TRPM4: variants seen among roughly 807,000 people sequenced by gnomAD.
TRPM4 encodes the protein calcium-activated non-selective cation channel 1.
In TRPM4, 124 loss-of-function variants were observed where a neutral mutation model predicts 135.6. The observed-to-expected ratio is 0.91, with a 90% CI of 0.79 to 1.06. The LOEUF (loss-of-function observed/expected upper bound fraction) is 1.06. Among genes scored for constraint, TRPM4 ranks in the 50% least tolerant of loss-of-function variants. The probability of loss-of-function intolerance (pLI) is 0.00; values close to 1 mark genes in which losing one functional copy is unlikely to be tolerated. For missense variants in TRPM4, 1,658 were observed against 1,671.4 expected (o/e 0.99, Z 0.14); for synonymous variants, 745 against 705.6 (o/e 1.06, Z -0.88).
At position 49,211,688 on chromosome 19, in the gene TRPM4, A is replaced by T; in HGVS notation, c.*190A>T. The T allele has an allele frequency of 1.3e-6, 1 of 748,866 alleles. No homozygotes were observed. The highest frequency in any genetic ancestry group is 2.3e-6 in the Non-Finnish European group (1 of 435,612). 46.4% of individuals were successfully genotyped at this position (748,866 alleles called of 1,614,324 possible). A position where few individuals can be genotyped will look rare whatever the true frequency, so the allele number is the denominator to read the frequency against. On this transcript the variant is annotated 3_prime_UTR_variant, in exon 25 of 25. Transcript: ENST00000252826. The surrounding 1 kb of genome is among the most constrained non-coding windows in gnomAD (Gnocchi z 4.8). ...AACCACAGCATGCCCGGCTCCTCCC[A>T]GAACCAGTCCCAGCCTGGGAGGATC...
Position 49,211,391 on chromosome 19 carries a change from G to A in TRPM4, c.3641-103G>A, listed in dbSNP as rs542652652. ...TCTCTTGGTCTCCTTTGAGCCTTTT[G>A]TACTCTCGCCTTCGTCTTTCTTCTT... On this transcript the variant is annotated intron_variant, in intron 24 of 24. Coordinates refer to ENST00000252826, the MANE Select transcript of TRPM4 (RefSeq NM_017636.4). This position sits in a 1 kb window ranked among gnomAD's most constrained non-coding sequence, Gnocchi z 4.8. 1.3e-5 allele frequency: 21 copies of A among 1,598,232 alleles called. 1 individual carries two copies. The South Asian group carries it at 2.2e-4, about 17-fold the overall frequency.
chr19:49,179,343 C>A (rs2122896536), intron 9 of TRPM4, among the ~76,000 whole-genome samples: 1 of 151,994 alleles, frequency 6.6e-6, no homozygotes, highest in Non-Finnish European at 1.5e-5. Context: ...GCATGAGCCA[C>A]AGCATCCAGC....
intron 9 of TRPM4, among the ~76,000 whole-genome samples, chr19:49,180,471 TGTGTG>T (rs1356455547): frequency 2.1e-5 from 3 of 145,830 alleles, no homozygotes; most frequent in African/African-American, 8.0e-5. Context: ...TGTGTGTGTG[TGTGTG>T]TTGCACCCGG....
At chr19:49,175,477 G>A (rs572049912) in intron 9 of TRPM4, among the ~76,000 whole-genome samples, 113 of 152,098 alleles carry the variant, frequency 7.4e-4, no homozygotes, top group African/African-American at 2.5e-3. Flanking sequence ...CCAACGTGCT[G>A]GGATTACAGG....
rs909010 is a variant in TRPM4, at chr19:49,188,565, T to C, written c.1744-76T>C. ...GTTAGTTTCTGACCTCTGACTCTGT[T>C]CCTTCCCTTGACTTCAGGCTTCCTC... On this transcript the variant is annotated intron_variant, in intron 12 of 24. Coordinates refer to ENST00000252826, the MANE Select transcript of TRPM4 (RefSeq NM_017636.4). 0.33 allele frequency: 532,193 copies of C among 1,606,018 alleles called. 90,684 individuals are homozygous for C. Among genetic ancestry groups the C allele is most frequent in the African/African-American group, 0.47 (35,265 of 74,794 alleles).
At position 49,182,731 on chromosome 19, in the gene TRPM4, A is replaced by T; in HGVS notation, c.1417A>T (p.Ile473Phe). ...LYSAAPSNSLIRNLLDQASHS... is the reference protein window; with the variant it reads ...LYSAAPSNSLFRNLLDQASHS... ...CAGCGCGGCGCCCTCCAACTCGCTC[A>T]TCCGCAACCTTTTGGACCAGGCGTC... The change falls in exon 11 of 25, where the codon ATC becomes TTC. Residue 473 changes from isoleucine to phenylalanine, a missense_variant. This residue lies in a region of TRPM4 where 1,412 missense variants were observed against 1,408.7 expected (regional missense o/e 1.00). Coordinates refer to ENST00000252826, the MANE Select transcript of TRPM4 (RefSeq NM_017636.4). The T allele has an allele frequency of 6.2e-7, 1 of 1,614,054 alleles. No homozygotes were observed.
chr19:49,210,920 G>T lies in TRPM4; in HGVS notation c.3461+78G>T. Reference sequence around the variant, plus strand: ...ACTTCAGCTGAAGGCAGGGTCCTGGGAGGGAGGGAGAGAGGGAGGAGGCCC... The same window carrying T: ...ACTTCAGCTGAAGGCAGGGTCCTGGTAGGGAGGGAGAGAGGGAGGAGGCCC... On this transcript the variant is annotated intron_variant, in intron 22 of 24. Coordinates refer to ENST00000252826, the MANE Select transcript of TRPM4 (RefSeq NM_017636.4). The surrounding 1 kb of genome is among the most constrained non-coding windows in gnomAD (Gnocchi z 4.1). 6.3e-7 allele frequency: 1 copy of T among 1,588,210 alleles called. No individual in the cohort carries two copies. The highest frequency in any genetic ancestry group is 8.6e-7 in the Non-Finnish European group (1 of 1,167,782).
At chr19:49,187,283 G>A (rs1968233616) in intron 12 of TRPM4, among the ~76,000 whole-genome samples, 1 of 150,502 alleles carries the variant, frequency 6.6e-6, no homozygotes, top group East Asian at 1.9e-4. Flanking sequence ...GATTGCTTTT[G>A]TGGAGGGATA....
At position 49,202,072 on chromosome 19, in the gene TRPM4, T is replaced by C; in HGVS notation, c.3062T>C (p.Val1021Ala). 1 of 1,614,100 alleles carries C rather than the reference T, an allele frequency of 6.2e-7. No homozygotes were observed. The highest frequency in any genetic ancestry group is 8.5e-7 in the Non-Finnish European group (1 of 1,180,038). The change falls in exon 20 of 25, where the codon GTG becomes GCG. Residue 1021 changes from valine to alanine, a missense_variant. By Grantham distance (64) the Val-to-Ala change is moderately conservative (BLOSUM62 0). Transcript: ENST00000252826. ...CVSQYANWLV[V>A]LLLVIFLLVA... is the part of the protein sequence containing the mutation. ...TCCCAGTATGCCAACTGGCTGGTGG[T>C]GCTGCTCCTCGTCATCTTCCTGCTC...
At position 49,166,089 on chromosome 19, in the gene TRPM4, G is replaced by GGC; in HGVS notation, c.142_143dup (p.Met49ProfsTer11). 1.2e-6 allele frequency: 2 copies of GGC among 1,603,956 alleles called. No homozygotes were observed. The highest frequency in any genetic ancestry group is 1.7e-6 in the Non-Finnish European group (2 of 1,176,382). On this transcript the variant is annotated frameshift_variant, in exon 3 of 25. Coordinates refer to ENST00000252826, the MANE Select transcript of TRPM4 (RefSeq NM_017636.4). LOFTEE classifies it high-confidence loss of function. ...GCCCCCGGACCGCCCACCCCGCAGT[G>GGC]GCCATGGAGGATGCCTTCGGGGCAG...
chr19:49,178,015 C>G (rs752778081), intron 9 of TRPM4, among the ~76,000 whole-genome samples: 1 of 152,176 alleles, frequency 6.6e-6, no homozygotes, highest in South Asian at 2.1e-4. Flanking sequence ...CAGCAGAGGA[C>G]CAGGGTCCGT....
At chr19:49,168,767 A>ACAACCCG in intron 6 of TRPM4, 31 bp downstream of exon 6, 2 of 1,565,264 alleles carry the variant, frequency 1.3e-6, no homozygotes, top group Non-Finnish European at 1.7e-6. Flanking sequence ...CCCACAACCC[A>ACAACCCG]CGACCCACAA....
intron 13 of TRPM4, 32 bp downstream of exon 13, chr19:49,188,802 C>A: frequency 6.2e-7 from 1 of 1,613,206 alleles, no homozygotes; most frequent in Non-Finnish European, 8.5e-7. Context: ...GGAGCAGGGA[C>A]GGGGGCTGCC....
intron 17 of TRPM4, among the ~76,000 whole-genome samples, chr19:49,197,320 C>CTT (rs762431297): frequency 9.3e-6 from 1 of 108,032 alleles, no homozygotes; most frequent in Non-Finnish European, 1.9e-5. Flanking sequence ...TTCTTTCTTT[C>CTT]TTTCTTTCTT....
Position 49,171,572 on chromosome 19 carries a change from C to T in TRPM4, c.859-6C>T, listed in dbSNP as rs768606152. Reference sequence around the variant, plus strand: ...GTGATGAATAAAGAATGCCTTTATCCTGTAGCGAATAGAGAACGCCACCCA... The same window carrying T: ...GTGATGAATAAAGAATGCCTTTATCTTGTAGCGAATAGAGAACGCCACCCA... On this transcript the variant is annotated splice_region_variant and splice_polypyrimidine_tract_variant and intron_variant, in intron 7 of 24. Coordinates refer to ENST00000252826, the MANE Select transcript of TRPM4 (RefSeq NM_017636.4). The surrounding 1 kb of genome is among the most constrained non-coding windows in gnomAD (Gnocchi z 4.7). 2 of 1,613,994 alleles carry T rather than the reference C, an allele frequency of 1.2e-6. No homozygotes were observed. Among genetic ancestry groups the T allele is most frequent in the South Asian group, 2.2e-5 (2 of 91,076 alleles).
Position 49,210,750 on chromosome 19 carries a change from G to A in TRPM4, c.3369G>A (p.Thr1123=), listed in dbSNP as rs747058283. ...AGGAAGCCGAGCGGAAGCTGCTAAC[G>A]TGGGAATCGGTGCATAAGGAGAACT... The part of the protein sequence containing the change: ...LSKEAERKLL[T]WESVHKENFL... The change falls in exon 22 of 25, where the codon ACG becomes ACA. Residue 1123 remains threonine (T), a synonymous_variant. Transcript: ENST00000252826. This position sits in a 1 kb window ranked among gnomAD's most constrained non-coding sequence, Gnocchi z 4.1. 2 of 1,614,140 alleles carry A rather than the reference G, an allele frequency of 1.2e-6. No individual in the cohort carries two copies. The highest frequency in any genetic ancestry group is 3.3e-5 in the Admixed American group (2 of 60,022).
chr19:49,190,552 G>A (rs1164863284), intron 15 of TRPM4, 144 bp from the exon 16 acceptor site: 3 of 892,152 alleles, frequency 3.4e-6, no homozygotes, highest in Non-Finnish European at 5.3e-6. Context: ...GGCTCTGGGG[G>A]AAGGTCCCTT....
chr19:49,195,977 G>A (rs1968617719), intron 16 of TRPM4, among the ~76,000 whole-genome samples: 1 of 151,678 alleles, frequency 6.6e-6, no homozygotes, highest in Admixed American at 6.6e-5. Context: ...TCCCGCCTCA[G>A]CCTCCCGAGT....
intron 12 of TRPM4, among the ~76,000 whole-genome samples, chr19:49,186,259 T>C (rs1455505303): frequency 1.3e-5 from 2 of 152,224 alleles, no homozygotes; most frequent in Non-Finnish European, 2.9e-5. Flanking sequence ...TGGCTGTATA[T>C]TGAAGCAGTC....
Sources: gnomAD v4.1 joint callset for allele counts (sites outside exome capture counted in the v4.1 genomes callset) on GRCh38, gnomAD v4.1.1 for gene constraint, gnomAD v4.1.1 regional missense constraint, Gnocchi (gnomAD v3.1) non-coding constraint, MANE v1.5 for transcripts, NCBI Gene and HGNC (gene_info 2026-07-23, HGNC 2026-07-21) for gene names.